The following ARHGEF11 variants were observed in gnomAD, a reference collection of about 807,000 sequenced individuals.
ARHGEF11 encodes the protein Rho guanine exchange factor (GEF) 11.
In ARHGEF11, 55 loss-of-function variants were observed where a neutral mutation model predicts 193.7. The ratio of observed to expected loss-of-function variants is 0.28; its 90% CI spans 0.23 to 0.36. The LOEUF (loss-of-function observed/expected upper bound fraction) is 0.36, where lower values mean the gene tolerates loss of function less well. ARHGEF11 is among the 10% of genes least tolerant of loss of function. The pLI is 1.00. For missense variants in ARHGEF11, 1,723 were observed against 2,005.6 expected (o/e 0.86, Z 2.69); for synonymous variants, 693 against 768.0 (o/e 0.90, Z 1.62).
intron 7 of ARHGEF11, among the ~76,000 whole-genome samples, chr1:156,976,176 A>G (rs1244872184): frequency 6.6e-6 from 1 of 152,142 alleles, no homozygotes; most frequent in Non-Finnish European, 1.5e-5. Flanking sequence ...TGTGAAATAA[A>G]TACTTGTATT....
At chr1:156,961,811 C>G in intron 13 of ARHGEF11, 36 bp from the exon 14 acceptor site, 1 of 1,594,086 alleles carries the variant, frequency 6.3e-7, no homozygotes, top group Non-Finnish European at 8.6e-7. Flanking sequence ...AGCAGTGGTT[C>G]TCCCCCAGCA....
intron 7 of ARHGEF11, among the ~76,000 whole-genome samples, chr1:156,975,659 T>C (rs1663157646): frequency 6.6e-6 from 1 of 152,206 alleles, no homozygotes; most frequent in Non-Finnish European, 1.5e-5. Flanking sequence ...CCACCTAAAA[T>C]TTTTTCTAGG....
intron 35 of ARHGEF11, among the ~76,000 whole-genome samples, chr1:156,940,940 T>C (rs1656736177): frequency 6.6e-6 from 1 of 152,186 alleles, no homozygotes; most frequent in Non-Finnish European, 1.5e-5. Context: ...TCAATGAGAA[T>C]GCTGTCCCCT....
At chr1:156,953,175 G>A (rs943301508) in intron 21 of ARHGEF11, among the ~76,000 whole-genome samples, 1 of 152,250 alleles carries the variant, frequency 6.6e-6, no homozygotes, top group African/African-American at 2.4e-5. Context: ...GGCACACAAT[G>A]CCTCATGCTT....
intron 1 of ARHGEF11, among the ~76,000 whole-genome samples, chr1:157,029,667 A>G (rs557956383): frequency 3.9e-5 from 6 of 152,332 alleles, no homozygotes; most frequent in African/African-American, 1.4e-4. Flanking sequence ...AAATGAACAC[A>G]TATGTCCACA....
At chr1:157,007,634 C>T (rs1046997408) in intron 1 of ARHGEF11, among the ~76,000 whole-genome samples, 4 of 152,076 alleles carry the variant, frequency 2.6e-5, no homozygotes, top group South Asian at 4.2e-4. Flanking sequence ...GGCTACCGTA[C>T]GATTTTTGGT....
chr1:156,936,480 GAAAAAA>G (rs35863393), intron 40 of ARHGEF11, among the ~76,000 whole-genome samples: 8 of 48,018 alleles, frequency 1.7e-4, no homozygotes, highest in African/African-American at 8.1e-4. Flanking sequence ...CAAATAAATA[GAAAAAA>G]AAAAAAAAAA....
chr1:156,983,464 C>T (rs941900417), intron 3 of ARHGEF11, among the ~76,000 whole-genome samples: 3 of 152,140 alleles, frequency 2.0e-5, no homozygotes, highest in East Asian at 1.9e-4. Context: ...CCTCGTGATC[C>T]GCGAGCCTCG....
At chr1:156,940,119 G>A (rs942921043) in intron 36 of ARHGEF11, 88 bp downstream of exon 36, 10 of 1,456,284 alleles carry the variant, frequency 6.9e-6, no homozygotes, top group African/African-American at 4.3e-5. Flanking sequence ...AGAGCCTTCG[G>A]GAAGGTGGAG....
intron 1 of ARHGEF11, among the ~76,000 whole-genome samples, chr1:157,012,337 G>C (rs999858344): frequency 6.6e-6 from 1 of 152,106 alleles, no homozygotes; most frequent in African/African-American, 2.4e-5. Flanking sequence ...ATGAAGGAGT[G>C]GGGAGCAGGA....
intron 8 of ARHGEF11, 116 bp from the exon 9 acceptor site, chr1:156,970,159 C>T: frequency 1.2e-6 from 1 of 826,018 alleles, no homozygotes; most frequent in Non-Finnish European, 2.0e-6. Flanking sequence ...CGCTTCATTG[C>T]CTCAAAAATG....
chr1:157,040,649 C>A (rs1009377417), intron 1 of ARHGEF11, among the ~76,000 whole-genome samples: 4 of 152,184 alleles, frequency 2.6e-5, no homozygotes, highest in African/African-American at 4.8e-5. Context: ...ACTTCTACAA[C>A]AATAAAGCCA....
At chr1:156,936,488 A>AAAAATAAAAAAAAAAAAAT (rs1655189767) in intron 40 of ARHGEF11, among the ~76,000 whole-genome samples, 1 of 93,576 alleles carries the variant, frequency 1.1e-5, no homozygotes, top group African/African-American at 4.7e-5. Flanking sequence ...TAGAAAAAAA[A>AAAAATAAAAAAAAAAAAAT]AAAAAAAAAA....
chr1:157,027,633 G>A (rs1454964892), intron 1 of ARHGEF11, among the ~76,000 whole-genome samples: 4 of 152,120 alleles, frequency 2.6e-5, no homozygotes, highest in Non-Finnish European at 2.9e-5. Context: ...AAATAATTGT[G>A]GCAAATGAAT....
chr1:156,944,375 C>G lies in ARHGEF11; in HGVS notation c.3050G>C (p.Ser1017Thr), dbSNP rs779001906. 1 of 1,614,056 alleles carries G rather than the reference C, an allele frequency of 6.2e-7. No homozygotes were observed. Among genetic ancestry groups the G allele is most frequent in the Non-Finnish European group, 8.5e-7 (1 of 1,180,056 alleles). ...IHEGPLTWRI[S>T]KDKTLDLHVL... ...GCACATACCCAAGGTCTTATCCTTG[C>G]TGATCCTCCAGGTCAGGGGTCCCTC... The change falls in exon 31 of 41, where the codon AGC becomes ACC. Residue 1017 changes from serine to threonine, a missense_variant. By Grantham distance (58) the Ser-to-Thr change is moderately conservative. Transcript: ENST00000368194.
chr1:156,985,648 T>A (rs1664797836), intron 2 of ARHGEF11: 1 of 152,600 alleles, frequency 6.6e-6, no homozygotes, highest in Admixed American at 6.5e-5. Flanking sequence ...GGTCTCAAAC[T>A]CCTGACCTCA....
At chr1:157,014,685 T>C (rs1224815442) in intron 1 of ARHGEF11, among the ~76,000 whole-genome samples, 2 of 152,154 alleles carry the variant, frequency 1.3e-5, no homozygotes, top group African/African-American at 2.4e-5. Context: ...CACTGCAATC[T>C]GGCTTCTGCC....
intron 33 of ARHGEF11, 87 bp downstream of exon 33, chr1:156,942,603 C>A: frequency 1.6e-6 from 2 of 1,255,274 alleles, no homozygotes; most frequent in South Asian, 1.3e-5. Context: ...GGGGCCCAAA[C>A]CTGGCCTTGC....
intron 40 of ARHGEF11, 128 bp downstream of exon 40, chr1:156,936,688 G>A: frequency 9.1e-7 from 1 of 1,101,212 alleles, no homozygotes; most frequent in Non-Finnish European, 1.3e-6. Context: ...CTGAGAGAAT[G>A]AACTCGTTTC....
Sources: allele counts gnomAD v4.1 joint callset (sites outside exome capture counted in the v4.1 genomes callset), GRCh38; gene constraint gnomAD v4.1.1; transcripts MANE v1.5; gene names NCBI Gene and HGNC (gene_info 2026-07-23, HGNC 2026-07-21).